The following PLEKHG4B variants were observed in gnomAD, a reference collection of about 807,000 sequenced individuals.
PLEKHG4B encodes the protein pleckstrin homology domain-containing family G member 4B.
PLEKHG4B carries 111 observed loss-of-function variants against 121.3 expected under a neutral mutation model. The observed-to-expected ratio is 0.92, with a 90% CI of 0.78 to 1.07. The LOEUF (loss-of-function observed/expected upper bound fraction) is 1.07. Ranked by LOEUF, PLEKHG4B falls within the 50% of genes least tolerant of loss-of-function variation. The pLI, the probability that PLEKHG4B is intolerant of heterozygous loss-of-function variation, is 0.00. For synonymous variants in PLEKHG4B, 738 were observed against 725.0 expected (o/e 1.02, Z -0.29); for missense variants, 1,831 against 1,757.8 (o/e 1.04, Z -0.74).
chr5:169,722 G>A, intron 14 of PLEKHG4B, 130 bp downstream of exon 14: 2 of 1,371,372 alleles, frequency 1.5e-6, no homozygotes, highest in Non-Finnish European at 2.0e-6. Flanking sequence ...AGCTGGTCCT[G>A]ACAGGATGTT....
At position 157,274 on chromosome 5, in the gene PLEKHG4B, C is replaced by T. The variant is rs1170038258; in HGVS notation, c.2487+363C>T. Reference sequence around the variant, plus strand: ...GACTGAGAAGCCGAGGTGAAACCGACACAGGTAGAGAGAGTCTGGGCCAAG... The same window carrying T: ...GACTGAGAAGCCGAGGTGAAACCGATACAGGTAGAGAGAGTCTGGGCCAAG... On this transcript the variant is annotated intron_variant, in intron 11 of 19. Coordinates refer to ENST00000637938, the MANE Select transcript of PLEKHG4B (RefSeq NM_052909.5). This position sits in a 1 kb window ranked among gnomAD's most constrained non-coding sequence, Gnocchi z 4.6. Among the ~76,000 whole-genome samples the T allele has an allele frequency of 6.6e-6, 1 of 152,010 alleles. No individual in the cohort carries two copies. The highest frequency in any genetic ancestry group is 2.4e-5 in the African/African-American group (1 of 41,374).
At position 156,135 on chromosome 5, in the gene PLEKHG4B, T is replaced by A; in HGVS notation, c.2273T>A (p.Leu758His). 6.3e-7 allele frequency: 1 copy of A among 1,597,526 alleles called. No homozygotes were observed. The highest frequency in any genetic ancestry group is 8.5e-7 in the Non-Finnish European group (1 of 1,172,066). Reference protein sequence around the residue: ...MMKLVLEDPLLVSLRLEGGTV... With the variant: ...MMKLVLEDPLHVSLRLEGGTV... ...AAGCTTGTCCTGGAAGACCCACTGC[T>A]TGTGTCTCTCAGGCTGGAGGGGGGC... The change falls in exon 10 of 20, where the codon CTT becomes CAT. Residue 758 changes from leucine to histidine, a missense_variant. Coordinates refer to ENST00000637938, the MANE Select transcript of PLEKHG4B (RefSeq NM_052909.5). This position sits in a 1 kb window ranked among gnomAD's most constrained non-coding sequence, Gnocchi z 4.4.
chr5:162,038 A>G (rs967010388), intron 12 of PLEKHG4B, 94 bp downstream of exon 12: 2 of 1,443,520 alleles, frequency 1.4e-6, no homozygotes, highest in Non-Finnish European at 1.8e-6. Context: ...GGAGTGGGCC[A>G]GGCTGTGGGA....
chr5:94,109 C>A (rs1733554878), intron 1 of PLEKHG4B, among the ~76,000 whole-genome samples: 1 of 152,246 alleles, frequency 6.6e-6, no homozygotes, highest in Admixed American at 6.5e-5. Flanking sequence ...ACCTGCCCAG[C>A]ATCTCACTGC....
Position 163,257 on chromosome 5 carries a change from A to T in PLEKHG4B, c.3185A>T (p.Glu1062Val). The T allele has an allele frequency of 6.2e-7, 1 of 1,612,130 alleles. No homozygotes were observed. Among genetic ancestry groups the T allele is most frequent in the Non-Finnish European group, 8.5e-7 (1 of 1,179,534 alleles). Residue 1062 changes from glutamate (E) to valine (V), a missense_variant, in exon 13 of 20, where the codon GAG (glutamate) becomes GTG (valine). Physicochemically the swap from Glu to Val is moderately radical, Grantham distance 121. Coordinates refer to ENST00000637938, the MANE Select transcript of PLEKHG4B (RefSeq NM_052909.5). Reference sequence around the variant, plus strand: ...GAGGACAGCTCTGCCTGTTCCTCTGAGCCCACCCAGACCCTGGCCAGCCGC... The same window carrying T: ...GAGGACAGCTCTGCCTGTTCCTCTGTGCCCACCCAGACCCTGGCCAGCCGC... ...HLEDSSACSS[E>V]PTQTLASRPR...
chr5:135,291 A>T (rs1172247631), intron 2 of PLEKHG4B, among the ~76,000 whole-genome samples: 1 of 152,088 alleles, frequency 6.6e-6, no homozygotes, highest in Non-Finnish European at 1.5e-5. Context: ...GTTCACTGAA[A>T]ATACAAAGCA....
At chr5:158,215 G>A (rs2126428901) in intron 11 of PLEKHG4B, among the ~76,000 whole-genome samples, 1 of 142,124 alleles carries the variant, frequency 7.0e-6, no homozygotes, top group East Asian at 2.1e-4. Context: ...GCCCATCCTG[G>A]GGGTCTCCCC....
intron 12 of PLEKHG4B, among the ~76,000 whole-genome samples, chr5:162,334 C>T (rs1040937653): frequency 2.0e-4 from 31 of 152,312 alleles, no homozygotes; most frequent in Admixed American, 3.3e-4. Flanking sequence ...ATTAGGAGCC[C>T]GGGCCAGAGG....
rs560544673 is a variant in PLEKHG4B, at chr5:110,427, A to C, written c.46-2824A>C. ...CACACACCCACACAATCTGCAACAC[A>C]CGTGCACACACCCACACAATCTGCA... is the stretch of plus-strand genomic sequence containing the variant. On this transcript the variant is annotated intron_variant, in intron 1 of 19. Transcript: ENST00000637938. Among the ~76,000 whole-genome samples, 498 of 149,768 alleles carry C rather than the reference A, an allele frequency of 3.3e-3. 1 individual carries two copies. Among genetic ancestry groups the C allele is most frequent in the Non-Finnish European group, 5.2e-3 (351 of 67,642 alleles).
At chr5:160,691 C>G (rs1453639321) in intron 11 of PLEKHG4B, among the ~76,000 whole-genome samples, 7 of 152,136 alleles carry the variant, frequency 4.6e-5, no homozygotes, top group South Asian at 2.1e-4. Flanking sequence ...GCCCTTTCTA[C>G]CTTAAGTTAT....
chr5:182,294 G>A lies in PLEKHG4B; in HGVS notation c.4855G>A (p.Val1619Met). Residue 1619 changes from valine to methionine, a missense_variant, in exon 20 of 20, where the codon GTG (valine) becomes ATG (methionine). Physicochemically the swap from Val to Met is conservative, Grantham distance 21. Transcript: ENST00000637938. Reference sequence around the variant, plus strand: ...TGCAGTGTGTGAGGGGGCTCCTGCTGTGCTGCTGAGCCGCACACGCCAGGC... The same window carrying A: ...TGCAGTGTGTGAGGGGGCTCCTGCTATGCTGCTGAGCCGCACACGCCAGGC... The part of the protein sequence containing the change: ...QAAVCEGAPA[V>M]LLSRTRQA The A allele has an allele frequency of 6.2e-7, 1 of 1,610,800 alleles. No individual in the cohort carries two copies. The highest frequency in any genetic ancestry group is 8.5e-7 in the Non-Finnish European group (1 of 1,179,264).
rs569239430 is a variant in PLEKHG4B at position 157,837 on chromosome 5, G to A, written c.2487+926G>A. 6.6e-6 allele frequency among the ~76,000 whole-genome samples: 1 copy of A among 152,204 alleles called. No homozygotes were observed. Among genetic ancestry groups the A allele is most frequent in the Non-Finnish European group, 1.5e-5 (1 of 68,028 alleles). ...CGGGTGAAAGAGCCAGCAGCATGGA[G>A]AGGCAGCAGTGGGGTGGAGGCATCC... On this transcript the variant is annotated intron_variant, in intron 11 of 19. Coordinates refer to ENST00000637938, the MANE Select transcript of PLEKHG4B (RefSeq NM_052909.5). This position sits in a 1 kb window ranked among gnomAD's most constrained non-coding sequence, Gnocchi z 4.6.
At chr5:110,507 G>A (rs1734121073) in intron 1 of PLEKHG4B, among the ~76,000 whole-genome samples, 1 of 127,554 alleles carries the variant, frequency 7.8e-6, no homozygotes, top group Admixed American at 8.6e-5. Context: ...TGGCCACTCT[G>A]CAACACACAT....
chr5:122,725 G>A (rs572450075), intron 2 of PLEKHG4B, among the ~76,000 whole-genome samples: 2 of 152,040 alleles, frequency 1.3e-5, no homozygotes, highest in South Asian at 4.2e-4. Context: ...TGGCCAAAAT[G>A]CCCTTTAAAT....
chr5:132,279 A>G (rs941544447), intron 2 of PLEKHG4B, among the ~76,000 whole-genome samples: 2 of 152,220 alleles, frequency 1.3e-5, no homozygotes, highest in Admixed American at 1.3e-4. Flanking sequence ...AAGATTTTAT[A>G]AAAACTTTAG....
In PLEKHG4B at chr5:159,619, C is replaced by A. The variant is rs1212021460; in HGVS notation, c.2488-2164C>A. Among the ~76,000 whole-genome samples, 1 of 152,162 alleles carries A rather than the reference C, an allele frequency of 6.6e-6. No individual in the cohort carries two copies. Among genetic ancestry groups the A allele is most frequent in the Non-Finnish European group, 1.5e-5 (1 of 68,034 alleles). On this transcript the variant is annotated intron_variant, in intron 11 of 19. Coordinates refer to ENST00000637938, the MANE Select transcript of PLEKHG4B (RefSeq NM_052909.5). The surrounding 1 kb of genome is among the most constrained non-coding windows in gnomAD (Gnocchi z 5.5). ...GATGAGTCTGCACAGTCTGTGGCTTCTGTGGGTTTGTTCTGGCGCCAGAGG... is the reference window on the plus strand; with the variant it reads ...GATGAGTCTGCACAGTCTGTGGCTTATGTGGGTTTGTTCTGGCGCCAGAGG...
At chr5:148,565 A>G (rs929019106) in intron 6 of PLEKHG4B, among the ~76,000 whole-genome samples, 4 of 152,206 alleles carry the variant, frequency 2.6e-5, no homozygotes, top group African/African-American at 7.2e-5. Flanking sequence ...GACAGCTGAA[A>G]GAAATTAAAG....
intron 1 of PLEKHG4B, among the ~76,000 whole-genome samples, chr5:105,449 A>G (rs13167963): frequency 6.6e-6 from 1 of 152,260 alleles, no homozygotes; most frequent in Non-Finnish European, 1.5e-5. Context: ...ATCTGCTGTC[A>G]GATCTACAAT....
At chr5:147,932 G>A (rs901655520) in intron 6 of PLEKHG4B, among the ~76,000 whole-genome samples, 8 of 151,986 alleles carry the variant, frequency 5.3e-5, no homozygotes, top group African/African-American at 1.9e-4. Context: ...AGGATGGTTC[G>A]ACACATGAAA....
Sources: gnomAD v4.1 joint callset for allele counts (sites outside exome capture counted in the v4.1 genomes callset) on GRCh38, gnomAD v4.1.1 for gene constraint, Gnocchi (gnomAD v3.1) non-coding constraint, MANE v1.5 for transcripts, NCBI Gene and HGNC (gene_info 2026-07-23, HGNC 2026-07-21) for gene names.